Variants in SASH3 observed in about 807,000 individuals in gnomAD.
SASH3 encodes the protein SAM and SH3 domain containing 3.
A neutral mutation model predicts 26.1 loss-of-function variants in SASH3; 7 were observed. The ratio of observed to expected loss-of-function variants is 0.27; its 90% CI spans 0.15 to 0.50. The LOEUF is 0.50. SASH3 is among the 20% of genes least tolerant of loss of function. The pLI is 0.98. For synonymous variants in SASH3, 138 were observed against 136.8 expected (o/e 1.01, Z -0.06); for missense variants, 231 against 318.3 (o/e 0.73, Z 2.09).
intron 3 of SASH3, among the ~76,000 whole-genome samples, chrX:129,789,532 G>A (rs928314060): frequency 1.8e-5 from 2 of 111,499 alleles, no homozygotes; most frequent in Admixed American, 1.9e-4. Flanking sequence ...AGATACTCGG[G>A]AGGCTAAGGC....
intron 1 of SASH3, among the ~76,000 whole-genome samples, chrX:129,782,611 C>G (rs1215893752): frequency 1.8e-5 from 2 of 112,380 alleles, no homozygotes; most frequent in Non-Finnish European, 3.8e-5. Flanking sequence ...CAAGATTTGT[C>G]TGACTCCAGA....
chrX:129,788,137 G>GGGCCTGGC, intron 2 of SASH3, 67 bp downstream of exon 2: 2 of 354,273 alleles, frequency 5.6e-6, no homozygotes, highest in Non-Finnish European at 1.1e-5. Context: ...GGGTGGGAGG[G>GGGCCTGGC]AAGAGGGTGA....
rs2231130 is a variant in SASH3, at chrX:129,791,164, C to T, written c.442+83C>T. On this transcript the variant is annotated intron_variant, in intron 4 of 7. Coordinates refer to ENST00000356892, the MANE Select transcript of SASH3 (RefSeq NM_018990.4). ...CCGTGCTGGTGGCACACTGTCTGGG[C>T]GGGGGGTAAGAGAAATGAATGCTTA... 4,089 of 1,022,525 alleles carry T rather than the reference C, an allele frequency of 4.0e-3. 84 individuals are homozygous for T. In the African/African-American group the frequency reaches 0.065, roughly 16 times the overall value. 84.3% of individuals were successfully genotyped at this position (1,022,525 alleles called of 1,213,427 possible). A position where few individuals can be genotyped will look rare whatever the true frequency, so the allele number is the denominator to read the frequency against.
Position 129,787,968 on chromosome X carries a change from T to C in SASH3, c.58-7T>C. Reference sequence around the variant, plus strand: ...CCCACTGATTGCAACACCCACCCTTTTTCCAGCTCTCCCTTCAGCGCTCCA... The same window carrying C: ...CCCACTGATTGCAACACCCACCCTTCTTCCAGCTCTCCCTTCAGCGCTCCA... On this transcript the variant is annotated splice_region_variant and splice_polypyrimidine_tract_variant and intron_variant, in intron 1 of 7. Coordinates refer to ENST00000356892, the MANE Select transcript of SASH3 (RefSeq NM_018990.4). The C allele has an allele frequency of 8.3e-7, 1 of 1,206,946 alleles. No individual in the cohort carries two copies. Among genetic ancestry groups the C allele is most frequent in the Non-Finnish European group, 1.1e-6 (1 of 891,429 alleles).
At chrX:129,786,820 C>T (rs1927115077) in intron 1 of SASH3, among the ~76,000 whole-genome samples, 1 of 109,448 alleles carries the variant, frequency 9.1e-6, no homozygotes, top group African/African-American at 3.3e-5. Flanking sequence ...ATGGTGAAGC[C>T]TCGTCTCTAC....
chrX:129,793,260 AG>A, intron 7 of SASH3, 121 bp downstream of exon 7: 3 of 795,179 alleles, frequency 3.8e-6, no homozygotes, highest in Non-Finnish European at 5.4e-6. Context: ...TGCAGTGGAA[AG>A]GTACTTTCCA....
chrX:129,791,096 C>A lies in SASH3; in HGVS notation c.442+15C>A. On this transcript the variant is annotated intron_variant, in intron 4 of 7. Transcript: ENST00000356892. ...GGCATCAACAGGTGAGTAGGGGATG[C>A]GGGGGACACCTGCCGAATCTGGAGG... 2 of 1,203,567 alleles carry A rather than the reference C, an allele frequency of 1.7e-6. No homozygotes were observed. Among genetic ancestry groups the A allele is most frequent in the Non-Finnish European group, 2.2e-6 (2 of 890,449 alleles).
chrX:129,788,133 G>GGGGGGGGGGC, intron 2 of SASH3, 63 bp downstream of exon 2: 1 of 312,637 alleles, frequency 3.2e-6, no homozygotes, highest in Non-Finnish European at 6.2e-6. Flanking sequence ...GTGGGGGTGG[G>GGGGGGGGGGC]AGGGAAGAGG....
chrX:129,793,123 G>A lies in SASH3; in HGVS notation c.936G>A (p.Leu312=), dbSNP rs767049325. The A allele has an allele frequency of 8.3e-6, 10 of 1,212,013 alleles. No individual in the cohort carries two copies. The highest frequency in any genetic ancestry group is 1.1e-5 in the Non-Finnish European group (10 of 895,594). Residue 312 remains leucine, a synonymous_variant, in exon 7 of 8, where the codon CTG becomes CTA. Transcript: ENST00000356892. ...CCAAGCTGCTCACGGCCGCCGAGCT[G>A]CTGCTGGACTATGACAGTGAGTGGC... ...HRAKLLTAAE[L]LLDYDTGSEE...
intron 4 of SASH3, 120 bp from the exon 5 acceptor site, chrX:129,792,208 C>T (rs1342814625): frequency 1.2e-6 from 1 of 834,651 alleles, no homozygotes; most frequent in Non-Finnish European, 1.7e-6. Flanking sequence ...CAGAGCCCAG[C>T]TGCCTTCCCG....
intron 1 of SASH3, among the ~76,000 whole-genome samples, chrX:129,786,570 T>C (rs1300671717): frequency 8.9e-6 from 1 of 112,043 alleles, no homozygotes; most frequent in African/African-American, 3.2e-5. Context: ...GGTTCCTGTG[T>C]GTATCTTCTG....
chrX:129,794,472 G>A lies in SASH3; in HGVS notation c.*640G>A, dbSNP rs957759417. 6 of 111,632 alleles carry A rather than the reference G, an allele frequency of 5.4e-5. No homozygotes were observed. Among genetic ancestry groups the A allele is most frequent in the African/African-American group, 2.0e-4 (6 of 30,619 alleles). The allele number at this position is 111,632 out of a possible 1,213,427, so 9.2% of individuals were successfully genotyped here. A position where few individuals can be genotyped will look rare whatever the true frequency, so the allele number is the denominator to read the frequency against. On this transcript the variant is annotated 3_prime_UTR_variant, in exon 8 of 8. Coordinates refer to ENST00000356892, the MANE Select transcript of SASH3 (RefSeq NM_018990.4). Reference sequence around the variant, plus strand: ...AGGACGGGTTGGGGTTAGAAAGGGTGATCACTGAAGGCCTTGCCTGCTCTG... The same window carrying A: ...AGGACGGGTTGGGGTTAGAAAGGGTAATCACTGAAGGCCTTGCCTGCTCTG...
In SASH3 at chrX:129,790,820, A is replaced by G; in HGVS notation, c.301-120A>G. 4 of 756,161 alleles carry G rather than the reference A, an allele frequency of 5.3e-6. No homozygotes were observed. In the South Asian group the frequency reaches 1.1e-4, roughly 22 times the overall value. The allele number at this position is 756,161 out of a possible 1,213,427, so 62.3% of individuals were successfully genotyped here. ...GCTCAGAGAGTGCCATTCAGCCTAT[A>G]AGTGGTAGAGTTGGGGTTTGAGCCA... On this transcript the variant is annotated intron_variant, in intron 3 of 7. Transcript: ENST00000356892.
At chrX:129,781,812 A>T (rs926818195) in intron 1 of SASH3, among the ~76,000 whole-genome samples, 3 of 111,389 alleles carry the variant, frequency 2.7e-5, no homozygotes, top group African/African-American at 9.8e-5. Flanking sequence ...CCCCACCCCA[A>T]CCCCTGCCAG....
At position 129,794,215 on chromosome X, in the gene SASH3, G is replaced by A. The variant is rs754775499; in HGVS notation, c.*383G>A. 3.2e-4 allele frequency: 64 copies of A among 199,181 alleles called. No individual in the cohort carries two copies. The highest frequency in any genetic ancestry group is 1.1e-3 in the African/African-American group (39 of 35,058). 16.4% of individuals were successfully genotyped at this position (199,181 alleles called of 1,213,427 possible). ...CACCCCCACACCACCTACCCCTGTC[G>A]CACTGCTCCTGAAAAGGGGGCCAAG... On this transcript the variant is annotated 3_prime_UTR_variant, in exon 8 of 8. Coordinates refer to ENST00000356892, the MANE Select transcript of SASH3 (RefSeq NM_018990.4).
rs1927218053 is a variant in SASH3 at position 129,790,936 on chromosome X, G to A, written c.301-4G>A. ...TTAAAGCTTCCCGCCTACCCTCCCT[G>A]CAGGCAGACACTCTGGAGGAGGGCT... On this transcript the variant is annotated splice_region_variant and splice_polypyrimidine_tract_variant and intron_variant, in intron 3 of 7. Transcript: ENST00000356892. 1 of 1,207,859 alleles carries A rather than the reference G, an allele frequency of 8.3e-7. No individual in the cohort carries two copies. The highest frequency in any genetic ancestry group is 1.1e-6 in the Non-Finnish European group (1 of 894,132).
chrX:129,788,459 C>T lies in SASH3; in HGVS notation c.182C>T (p.Thr61Ile). 2 of 1,211,030 alleles carry T rather than the reference C, an allele frequency of 1.7e-6. No homozygotes were observed. The highest frequency in any genetic ancestry group is 1.8e-5 in the South Asian group (1 of 56,956). Residue 61 changes from threonine to isoleucine, a missense_variant, in exon 3 of 8, where the codon ACC becomes ATC. By Grantham distance (89) the Thr-to-Ile change is moderately conservative. Transcript: ENST00000356892. ...CCAGAAGATGACTCAGGTGTCCCCA[C>T]CCCAGAAGATGCTGGGAAGAGTGGC... ...NIPEDDSGVP[T>I]PEDAGKSGKK...
Position 129,793,164 on chromosome X carries a change from G to T in SASH3, c.952+25G>T, listed in dbSNP as rs1334409068. 3.3e-6 allele frequency: 4 copies of T among 1,209,873 alleles called. No homozygotes were observed. The Admixed American group carries it at 8.7e-5, about 26-fold the overall frequency. ...AGTGAGTGGCTTTAGGAGCGGCCTG[G>T]TGAGGGTGTGTGCCCACCGGCATTC... is the stretch of plus-strand genomic sequence containing the variant. On this transcript the variant is annotated intron_variant, in intron 7 of 7. Coordinates refer to ENST00000356892, the MANE Select transcript of SASH3 (RefSeq NM_018990.4).
chrX:129,793,724 C>A lies in SASH3; in HGVS notation c.1035C>A (p.Ile345=). Residue 345 remains isoleucine (I), a synonymous_variant, in exon 8 of 8, where the codon ATC becomes ATA. Coordinates refer to ENST00000356892, the MANE Select transcript of SASH3 (RefSeq NM_018990.4). Reference sequence around the variant, plus strand: ...CAGTGTCGGAACCCAAGGTGGACATCCCGCGCGACTCAGGCTGCTTTGAGG... The same window carrying A: ...CAGTGTCGGAACCCAAGGTGGACATACCGCGCGACTCAGGCTGCTTTGAGG... ...AHTVSEPKVD[I]PRDSGCFEGS... 8.3e-7 allele frequency: 1 copy of A among 1,212,034 alleles called. No individual in the cohort carries two copies. Among genetic ancestry groups the A allele is most frequent in the Non-Finnish European group, 1.1e-6 (1 of 895,442 alleles).
Sources: gnomAD v4.1 joint callset for allele counts (sites outside exome capture counted in the v4.1 genomes callset) on GRCh38, gnomAD v4.1.1 for gene constraint, MANE v1.5 for transcripts, NCBI Gene and HGNC (gene_info 2026-07-23, HGNC 2026-07-21) for gene names.